The following HOXC12 variants were observed in gnomAD, a reference collection of about 807,000 sequenced individuals.
HOXC12 encodes homeobox protein Hox-C12.
In HOXC12, 24 loss-of-function variants were observed where a neutral mutation model predicts 20.9. The ratio of observed to expected loss-of-function variants is 1.15; its 90% CI spans 0.83 to 1.61. The LOEUF (loss-of-function observed/expected upper bound fraction) is 1.61, where lower values mean the gene tolerates loss of function less well. Among genes scored for constraint, HOXC12 ranks in the 40% most tolerant of loss-of-function variants. The probability of loss-of-function intolerance (pLI) is 0.00; values close to 1 mark genes in which losing one functional copy is unlikely to be tolerated. For synonymous variants in HOXC12, 202 were observed against 197.7 expected, an observed-to-expected ratio of 1.02 and a Z score of -0.18; for missense variants, 436 against 406.9, an observed-to-expected ratio of 1.07 and a Z score of -0.62.
In HOXC12 at chr12:53,955,190, C is replaced by A. The variant is rs746706121; in HGVS notation, c.261C>A (p.Arg87=). 1.2e-6 allele frequency: 2 copies of A among 1,610,472 alleles called. No individual in the cohort carries two copies. The highest frequency in any genetic ancestry group is 1.7e-5 in the Admixed American group (1 of 59,858). The change falls in exon 1 of 2, where the codon CGC becomes CGA. Residue 87 remains arginine, a synonymous_variant. Transcript: ENST00000243103. ...PPFGRTCELA[R]VEDGKGYYRE... ...TCGGCCGCACGTGCGAGCTGGCGCG[C>A]GTGGAGGACGGCAAGGGTTACTACC...
intron 1 of HOXC12, among the ~76,000 whole-genome samples, chr12:53,955,904 T>G (rs955894001): frequency 6.6e-6 from 1 of 152,078 alleles, no homozygotes; most frequent in Non-Finnish European, 1.5e-5. Flanking sequence ...TCGAAAGAAA[T>G]GCCAGTGGAT....
At position 53,956,695 on chromosome 12, in the gene HOXC12, C is replaced by T; in HGVS notation, c.*129C>T. 2 of 707,592 alleles carry T rather than the reference C, an allele frequency of 2.8e-6. No individual in the cohort carries two copies. The highest frequency in any genetic ancestry group is 4.9e-6 in the Non-Finnish European group (2 of 410,566). The allele number at this position is 707,592 out of a possible 1,614,324, so 43.8% of individuals were successfully genotyped here. ...CTGGCAGGCCCTCCCTGGATATCCT[C>T]TTGTCTGTTTTGTTCGTGGTTCCCT... is the stretch of plus-strand genomic sequence containing the variant. On this transcript the variant is annotated 3_prime_UTR_variant, in exon 2 of 2. Transcript: ENST00000243103.
Position 53,955,404 on chromosome 12 carries a change from G to C in HOXC12, c.475G>C (p.Asp159His), listed in dbSNP as rs1214774309. 6.8e-7 allele frequency: 1 copy of C among 1,478,390 alleles called. No individual in the cohort carries two copies. Among genetic ancestry groups the C allele is most frequent in the African/African-American group, 1.5e-5 (1 of 68,230 alleles). The allele number at this position is 1,478,390 out of a possible 1,614,324, so 91.6% of individuals were successfully genotyped here. A position where few individuals can be genotyped will look rare whatever the true frequency, so the allele number is the denominator to read the frequency against. Residue 159 changes from aspartate (D) to histidine (H), a missense_variant, in exon 1 of 2, where the codon GAC becomes CAC. Asp to His is a moderately conservative substitution (Grantham distance 81). Transcript: ENST00000243103. ...CGGCGGCGGCGCAGGACCTCCGCAC[G>C]ACCCGCCCTCCTGCCAGTCGCTGGA... is the stretch of plus-strand genomic sequence containing the variant. ...DGGGGAGPPH[D>H]PPSCQSLESD...
In HOXC12 at chr12:53,956,585, C is replaced by G; in HGVS notation, c.*19C>G. 1 of 1,565,082 alleles carries G rather than the reference C, an allele frequency of 6.4e-7. No homozygotes were observed. The highest frequency in any genetic ancestry group is 1.4e-5 in the African/African-American group (1 of 73,314). ...CTTTTAAGGTGCAGGACACGGGCGC[C>G]AGCCCCAGACTGAGCCTGTCCCTGG... On this transcript the variant is annotated 3_prime_UTR_variant, in exon 2 of 2. Coordinates refer to ENST00000243103, the MANE Select transcript of HOXC12 (RefSeq NM_173860.3).
chr12:53,955,241 CG>C lies in HOXC12; in HGVS notation c.317del (p.Gly106AlafsTer2). 6.3e-7 allele frequency: 1 copy of C among 1,583,720 alleles called. No homozygotes were observed. The highest frequency in any genetic ancestry group is 8.6e-7 in the Non-Finnish European group (1 of 1,166,548). ...YREPCAEGGG[G>X]GLKREERGRD... ...GCGAGCCGTGCGCCGAGGGTGGCGG[CG>C]GGGGCCTGAAGCGTGAGGAGCGCGG... On this transcript the variant is annotated frameshift_variant, in exon 1 of 2. Coordinates refer to ENST00000243103, the MANE Select transcript of HOXC12 (RefSeq NM_173860.3). LOFTEE classifies it high-confidence loss of function.
At position 53,955,026 on chromosome 12, in the gene HOXC12, G is replaced by C; in HGVS notation, c.97G>C (p.Gly33Arg). 2 of 1,614,068 alleles carry C rather than the reference G, an allele frequency of 1.2e-6. No individual in the cohort carries two copies. Among genetic ancestry groups the C allele is most frequent in the Non-Finnish European group, 1.7e-6 (2 of 1,179,996 alleles). The change falls in exon 1 of 2, where the codon GGG becomes CGG. Residue 33 changes from glycine to arginine, a missense_variant. Transcript: ENST00000243103. ...TFYFPNFRAS[G>R]AQLPGLPSLS... ...CTACTTCCCCAACTTCCGCGCGTCC[G>C]GGGCGCAGCTTCCCGGGCTGCCTTC...
At chr12:53,956,116 GA>G (rs905568812) in intron 1 of HOXC12, among the ~76,000 whole-genome samples, 22 of 151,928 alleles carry the variant, frequency 1.4e-4, no homozygotes, top group African/African-American at 3.4e-4. Context: ...AGAATGAAAG[GA>G]AAAAAAAGAG....
chr12:53,955,121 C>T lies in HOXC12; in HGVS notation c.192C>T (p.Tyr64=), dbSNP rs1164640888. 1.2e-6 allele frequency: 2 copies of T among 1,610,888 alleles called. No homozygotes were observed. Among genetic ancestry groups the T allele is most frequent in the Admixed American group, 3.3e-5 (2 of 59,834 alleles). Reference sequence around the variant, plus strand: ...CGTCGGCGGAGCCGTGCAATGGCTACCCGCAGCCCTACCTCGGCAGCCCAG... The same window carrying T: ...CGTCGGCGGAGCCGTGCAATGGCTATCCGCAGCCCTACCTCGGCAGCCCAG... ...SWPSAEPCNG[Y]PQPYLGSPVS... The change falls in exon 1 of 2, where the codon TAC becomes TAT. Residue 64 remains tyrosine, a synonymous_variant. Coordinates refer to ENST00000243103, the MANE Select transcript of HOXC12 (RefSeq NM_173860.3).
rs78213115 is a variant in HOXC12 at position 53,958,012 on chromosome 12, C to T, written c.*1446C>T. 0.069 allele frequency: 10,594 copies of T among 152,444 alleles called. 416 individuals are homozygous for T. Among genetic ancestry groups the T allele is most frequent in the Middle Eastern group, 0.11 (32 of 292 alleles). The allele number at this position is 152,444 out of a possible 1,614,324, so 9.4% of individuals were successfully genotyped here. On this transcript the variant is annotated 3_prime_UTR_variant, in exon 2 of 2. Coordinates refer to ENST00000243103, the MANE Select transcript of HOXC12 (RefSeq NM_173860.3). ...TGAGAGAACCATCAACCTTTCTGTACTTCATTTTTATCCTTCTCCCCAAGA... is the reference window on the plus strand; with the variant it reads ...TGAGAGAACCATCAACCTTTCTGTATTTCATTTTTATCCTTCTCCCCAAGA...
In HOXC12 at chr12:53,955,098, T is replaced by C. The variant is rs372388280; in HGVS notation, c.169T>C (p.Ser57Pro). ...CAACGTGTGCTCCCTGTCCTGGCCG[T>C]CGGCGGAGCCGTGCAATGGCTACCC... is the stretch of plus-strand genomic sequence containing the variant. ...RDNVCSLSWP[S>P]AEPCNGYPQP... The change falls in exon 1 of 2, where the codon TCG becomes CCG. Residue 57 changes from serine to proline, a missense_variant. Physicochemically the swap from Ser to Pro is moderately conservative, Grantham distance 74. Transcript: ENST00000243103. 1.9e-6 allele frequency: 3 copies of C among 1,612,424 alleles called. No homozygotes were observed. The highest frequency in any genetic ancestry group is 2.5e-6 in the Non-Finnish European group (3 of 1,179,488).
chr12:53,956,573 G>A lies in HOXC12; in HGVS notation c.*7G>A, dbSNP rs1416466230. 6.3e-7 allele frequency: 1 copy of A among 1,594,604 alleles called. No homozygotes were observed. The highest frequency in any genetic ancestry group is 1.1e-5 in the South Asian group (1 of 88,544). ...AGCTCTCTCCTTCTTTTAAGGTGCA[G>A]GACACGGGCGCCAGCCCCAGACTGA... On this transcript the variant is annotated 3_prime_UTR_variant, in exon 2 of 2. Transcript: ENST00000243103.
chr12:53,957,076 A>C lies in HOXC12; in HGVS notation c.*510A>C, dbSNP rs1169186672. On this transcript the variant is annotated 3_prime_UTR_variant, in exon 2 of 2. Transcript: ENST00000243103. Reference sequence around the variant, plus strand: ...GTCAGCGGAGAGAGCTGAGGGAGTCAGGTGTCTCTGGTAGGGCTGGAGGAA... The same window carrying C: ...GTCAGCGGAGAGAGCTGAGGGAGTCCGGTGTCTCTGGTAGGGCTGGAGGAA... The C allele has an allele frequency of 1.3e-5, 2 of 152,930 alleles. No homozygotes were observed. The highest frequency in any genetic ancestry group is 3.8e-4 in the East Asian group (2 of 5,212). The allele number at this position is 152,930 out of a possible 1,614,324, so 9.5% of individuals were successfully genotyped here.
At position 53,955,535 on chromosome 12, in the gene HOXC12, CA is replaced by C; in HGVS notation, c.607del (p.Ser203AlafsTer49). Reference sequence around the variant, plus strand: ...TGAACCCCGGCGGCGGGCTCTCGGCCAGCGGTAAGGACCCCGGCCACTCAAG... The same window carrying C: ...TGAACCCCGGCGGCGGGCTCTCGGCCGCGGTAAGGACCCCGGCCACTCAAG... Reference protein sequence around the residue: ...PLNPGGGLSASGAPWYPINSR... With the variant: ...PLNPGGGLSAXGAPWYPINSR... On this transcript the variant is annotated frameshift_variant, in exon 1 of 2. Transcript: ENST00000243103. LOFTEE classifies it high-confidence loss of function. The C allele has an allele frequency of 1.4e-6, 2 of 1,458,908 alleles. No individual in the cohort carries two copies. The highest frequency in any genetic ancestry group is 1.8e-6 in the Non-Finnish European group (2 of 1,108,696). 90.4% of individuals were successfully genotyped at this position (1,458,908 alleles called of 1,614,324 possible). A position where few individuals can be genotyped will look rare whatever the true frequency, so the allele number is the denominator to read the frequency against.
At position 53,957,679 on chromosome 12, in the gene HOXC12, T is replaced by G. The variant is rs1938892290; in HGVS notation, c.*1113T>G. 1 of 152,350 alleles carries G rather than the reference T, an allele frequency of 6.6e-6. No individual in the cohort carries two copies. The highest frequency in any genetic ancestry group is 1.5e-5 in the Non-Finnish European group (1 of 68,152). 9.4% of individuals were successfully genotyped at this position (152,350 alleles called of 1,614,324 possible). A position where few individuals can be genotyped will look rare whatever the true frequency, so the allele number is the denominator to read the frequency against. The stretch of plus-strand genomic sequence containing the variant: ...GGGCTACCAGCCATTGAGGTCCCAC[T>G]CAGCCCCAGTTTCCCAGGCCCGTGA... On this transcript the variant is annotated 3_prime_UTR_variant, in exon 2 of 2. Transcript: ENST00000243103.
rs908979918 is a variant in HOXC12, at chr12:53,958,581, A to G, written c.*2015A>G. The G allele has an allele frequency of 6.6e-6, 1 of 152,082 alleles. No individual in the cohort carries two copies. Among genetic ancestry groups the G allele is most frequent in the Non-Finnish European group, 1.5e-5 (1 of 68,026 alleles). 9.4% of individuals were successfully genotyped at this position (152,082 alleles called of 1,614,324 possible). ...CCCCCTTTATGCAGCCCTTCCTGTG[A>G]CCTCTGGGCTCTAGGGTGCTGGATT... is the stretch of plus-strand genomic sequence containing the variant. On this transcript the variant is annotated 3_prime_UTR_variant, in exon 2 of 2. Coordinates refer to ENST00000243103, the MANE Select transcript of HOXC12 (RefSeq NM_173860.3).
rs777482096 is a variant in HOXC12 at position 53,955,247 on chromosome 12, C to T, written c.318C>T (p.Gly106=). 2.9e-5 allele frequency: 46 copies of T among 1,569,514 alleles called. 1 individual carries two copies. The South Asian group carries it at 5.1e-4, about 18-fold the overall frequency. Residue 106 remains glycine (G), a synonymous_variant, in exon 1 of 2, where the codon GGC becomes GGT. Transcript: ENST00000243103. ...REPCAEGGGG[G]LKREERGRDP... ...CGTGCGCCGAGGGTGGCGGCGGGGG[C>T]CTGAAGCGTGAGGAGCGCGGGCGCG... is the stretch of plus-strand genomic sequence containing the variant.
intron 1 of HOXC12, 118 bp downstream of exon 1, chr12:53,955,657 T>G (rs946738469): frequency 8.5e-7 from 1 of 1,173,682 alleles, no homozygotes; most frequent in African/African-American, 1.6e-5. Context: ...GAAGAGCTTC[T>G]TATAAAATGA....
At position 53,955,481 on chromosome 12, in the gene HOXC12, A is replaced by C; in HGVS notation, c.552A>C (p.Ala184=). 2.7e-6 allele frequency: 4 copies of C among 1,499,488 alleles called. 1 individual carries two copies. Among genetic ancestry groups the C allele is most frequent in the Non-Finnish European group, 2.7e-6 (3 of 1,130,594 alleles). The allele number at this position is 1,499,488 out of a possible 1,614,324, so 92.9% of individuals were successfully genotyped here. A position where few individuals can be genotyped will look rare whatever the true frequency, so the allele number is the denominator to read the frequency against. The change falls in exon 1 of 2, where the codon GCA becomes GCC. Residue 184 remains alanine (A), a synonymous_variant. Coordinates refer to ENST00000243103, the MANE Select transcript of HOXC12 (RefSeq NM_173860.3). ...ACGAGGGCAACAAGGGCGCCGGCGC[A>C]GGCGACCCCGGCAGCTTGGTATCGC... The part of the protein sequence containing the change: ...LLNEGNKGAG[A]GDPGSLVSPL...
chr12:53,956,361 G>A lies in HOXC12; in HGVS notation c.644G>A (p.Arg215Gln), dbSNP rs560346606. 27 of 1,602,034 alleles carry A rather than the reference G, an allele frequency of 1.7e-5. No individual in the cohort carries two copies. Among genetic ancestry groups the A allele is most frequent in the East Asian group, 9.0e-5 (4 of 44,678 alleles). ...APWYPINSRS[R>Q]KKRKPYSKLQ... ...TGGTACCCGATCAACAGCCGCTCTC[G>A]GAAGAAGCGCAAGCCCTATTCGAAG... The change falls in exon 2 of 2, where the codon CGG becomes CAG. Residue 215 changes from arginine (R) to glutamine (Q), a missense_variant. Arg to Gln is a conservative substitution (Grantham distance 43). Coordinates refer to ENST00000243103, the MANE Select transcript of HOXC12 (RefSeq NM_173860.3).
Sources: allele counts gnomAD v4.1 joint callset (sites outside exome capture counted in the v4.1 genomes callset), GRCh38; gene constraint gnomAD v4.1.1; transcripts MANE v1.5; gene names NCBI Gene and HGNC (gene_info 2026-07-23, HGNC 2026-07-21).